The following ARMC3 variants were observed in gnomAD, a reference collection of about 807,000 sequenced individuals.
ARMC3 encodes the protein armadillo repeat-containing protein 3.
A neutral mutation model predicts 90.3 loss-of-function variants in ARMC3; 74 were observed. That is an observed-to-expected ratio of 0.82 (90% confidence interval 0.68 to 0.99). The LOEUF is 0.99. Among genes scored for constraint, ARMC3 ranks in the 50% least tolerant of loss-of-function variants. The probability of loss-of-function intolerance (pLI) is 0.00; values close to 1 mark genes in which losing one functional copy is unlikely to be tolerated. For missense variants in ARMC3, 958 were observed against 1,042.8 expected (o/e 0.92, Z 1.12); for synonymous variants, 334 against 361.8 (o/e 0.92, Z 0.87).
intron 3 of ARMC3, 117 bp downstream of exon 3, chr10:22,946,378 G>C: frequency 3.1e-6 from 2 of 648,540 alleles, no homozygotes; most frequent in Non-Finnish European, 5.2e-6. Context: ...AATTATTTCA[G>C]ACAACCAGGA....
At chr10:23,005,997 G>T (rs945060851) in intron 13 of ARMC3, among the ~76,000 whole-genome samples, 2 of 152,196 alleles carry the variant, frequency 1.3e-5, no homozygotes, top group Non-Finnish European at 2.9e-5. Context: ...GTTGCAGTCA[G>T]GTGGGTATCA....
intron 16 of ARMC3, among the ~76,000 whole-genome samples, chr10:23,015,149 A>C (rs1305269440): frequency 6.6e-6 from 1 of 152,140 alleles, no homozygotes; most frequent in African/African-American, 2.4e-5. Flanking sequence ...TAATATGGAG[A>C]AGAGAAAGGG....
At chr10:22,930,935 C>CT (rs34860824) in intron 1 of ARMC3, among the ~76,000 whole-genome samples, 9,766 of 147,456 alleles carry the variant, frequency 0.066, 398 homozygotes, top group Middle Eastern at 0.14. Context: ...TGAAAAGTTT[C>CT]TTTTTTTTTT....
intron 2 of ARMC3, among the ~76,000 whole-genome samples, chr10:22,935,861 T>G (rs1456067110): frequency 6.6e-6 from 1 of 152,188 alleles, no homozygotes; most frequent in Non-Finnish European, 1.5e-5. Context: ...TGTCTAGATA[T>G]TCTCTATTGA....
chr10:22,937,084 G>C (rs753299983), intron 2 of ARMC3, among the ~76,000 whole-genome samples: 42 of 151,906 alleles, frequency 2.8e-4, no homozygotes, highest in Non-Finnish European at 5.6e-4. Context: ...TGTATGTTTT[G>C]TGGAGACAGG....
intron 10 of ARMC3, among the ~76,000 whole-genome samples, chr10:22,996,125 ATATT>A (rs1269227895): frequency 6.6e-6 from 1 of 152,206 alleles, no homozygotes; most frequent in African/African-American, 2.4e-5. Context: ...GGTTAAGTAT[ATATT>A]ATTAATTAGA....
chr10:22,949,273 GA>G (rs1452162713), intron 3 of ARMC3, among the ~76,000 whole-genome samples: 3 of 151,972 alleles, frequency 2.0e-5, no homozygotes, highest in Non-Finnish European at 4.4e-5. Flanking sequence ...TACCAGGCAT[GA>G]AAAAAAGCAG....
Position 22,932,060 on chromosome 10 carries a change from G to C in ARMC3, c.48+16G>C. The stretch of plus-strand genomic sequence containing the variant: ...TAAGGATGTGGTAAGTTTCTGATTT[G>C]AATACTAGTAGCACTTTAACAACCA... On this transcript the variant is annotated intron_variant, in intron 2 of 18. Coordinates refer to ENST00000298032, the MANE Select transcript of ARMC3 (RefSeq NM_173081.5). 2 of 1,589,750 alleles carry C rather than the reference G, an allele frequency of 1.3e-6. No homozygotes were observed. The highest frequency in any genetic ancestry group is 2.2e-5 in the East Asian group (1 of 44,450).
chr10:22,954,996 G>A (rs1410645876), intron 3 of ARMC3, among the ~76,000 whole-genome samples: 2 of 152,088 alleles, frequency 1.3e-5, no homozygotes, highest in African/African-American at 4.8e-5. Flanking sequence ...AGAGTTCCAA[G>A]GCCTGAGAAT....
chr10:22,994,546 A>T (rs1297836676), intron 10 of ARMC3, among the ~76,000 whole-genome samples: 2 of 152,366 alleles, frequency 1.3e-5, no homozygotes, highest in African/African-American at 2.4e-5. Context: ...AAAATAATTT[A>T]AAAATATAAC....
chr10:23,021,522 T>C (rs1384608463), intron 16 of ARMC3, among the ~76,000 whole-genome samples: 2 of 152,246 alleles, frequency 1.3e-5, no homozygotes, highest in African/African-American at 4.8e-5. Context: ...CTAACTGGTG[T>C]GAGACGGTAT....
intron 16 of ARMC3, among the ~76,000 whole-genome samples, chr10:23,017,278 G>A (rs1272006955): frequency 2.0e-5 from 3 of 152,054 alleles, no homozygotes; most frequent in African/African-American, 7.2e-5. Context: ...CGAATATAGA[G>A]CTTTGTAATT....
At position 23,037,706 on chromosome 10, in the gene ARMC3, C is replaced by G; in HGVS notation, c.*227C>G. 1 of 453,446 alleles carries G rather than the reference C, an allele frequency of 2.2e-6. No homozygotes were observed. The highest frequency in any genetic ancestry group is 4.1e-5 in the South Asian group (1 of 24,298). 28.1% of individuals were successfully genotyped at this position (453,446 alleles called of 1,614,324 possible). A position where few individuals can be genotyped will look rare whatever the true frequency, so the allele number is the denominator to read the frequency against. On this transcript the variant is annotated 3_prime_UTR_variant, in exon 19 of 19. Transcript: ENST00000298032. ...TATTAGGTCATTTTCCGCTCACTGA[C>G]CCTCACATAAAGCTGATTGTTGTCG...
chr10:22,988,276 T>A (rs962798551), intron 10 of ARMC3, among the ~76,000 whole-genome samples: 5 of 152,178 alleles, frequency 3.3e-5, no homozygotes, highest in Admixed American at 1.3e-4. Context: ...ATACAGAACT[T>A]CACACAGTGT....
chr10:23,004,954 C>T (rs1310621767), intron 13 of ARMC3, among the ~76,000 whole-genome samples: 4 of 151,582 alleles, frequency 2.6e-5, no homozygotes, highest in Non-Finnish European at 4.4e-5. Context: ...TGGTGGCTCA[C>T]GCCTGTAATC....
Position 22,959,586 on chromosome 10 carries a change from T to A in ARMC3, c.537+12T>A. 6.4e-7 allele frequency: 1 copy of A among 1,572,626 alleles called. No homozygotes were observed. The highest frequency in any genetic ancestry group is 8.6e-7 in the Non-Finnish European group (1 of 1,165,132). On this transcript the variant is annotated intron_variant, in intron 6 of 18. Transcript: ENST00000298032. Reference sequence around the variant, plus strand: ...ACAACTTGGTGCAGGTAAGATTAATTTCTAAAAAGCGTTCTGATGAAAGCT... The same window carrying A: ...ACAACTTGGTGCAGGTAAGATTAATATCTAAAAAGCGTTCTGATGAAAGCT...
chr10:22,963,922 CAAAAA>C (rs35508443), intron 7 of ARMC3, among the ~76,000 whole-genome samples: 87 of 58,478 alleles, frequency 1.5e-3, no homozygotes, highest in African/African-American at 5.8e-3. Context: ...CACACACACA[CAAAAA>C]AAAAAAAAAA....
chr10:22,996,883 T>C (rs1836986297), intron 10 of ARMC3, among the ~76,000 whole-genome samples: 1 of 152,082 alleles, frequency 6.6e-6, no homozygotes, highest in African/African-American at 2.4e-5. Context: ...ATTTAATTCA[T>C]CACCATACAG....
chr10:23,003,239 T>C lies in ARMC3; in HGVS notation c.1563-7T>C, dbSNP rs377324729. On this transcript the variant is annotated splice_region_variant and splice_polypyrimidine_tract_variant and intron_variant, in intron 12 of 18. Coordinates refer to ENST00000298032, the MANE Select transcript of ARMC3 (RefSeq NM_173081.5). ...AAGCAAATAATGCTTTTTGCTTTTA[T>C]TGACAGGGCTTTAGATATCCTTGAA... 9 of 1,608,058 alleles carry C rather than the reference T, an allele frequency of 5.6e-6. No homozygotes were observed. The highest frequency in any genetic ancestry group is 1.7e-4 in the Middle Eastern group (1 of 5,932).
Sources: allele counts gnomAD v4.1 joint callset (sites outside exome capture counted in the v4.1 genomes callset), GRCh38; gene constraint gnomAD v4.1.1; transcripts MANE v1.5; gene names NCBI Gene and HGNC (gene_info 2026-07-23, HGNC 2026-07-21).